The following SORCS3 variants were observed in gnomAD, a reference collection of about 807,000 sequenced individuals.
SORCS3 encodes sortilin related VPS10 domain containing receptor 3.
Under a neutral mutation model 146.3 loss-of-function variants are expected in SORCS3, and 57 were observed. The observed-to-expected ratio is 0.39, with a 90% CI of 0.31 to 0.49. SORCS3 has a LOEUF of 0.49. Ranked by LOEUF, SORCS3 falls within the 20% of genes least tolerant of loss-of-function variation. The pLI, the probability that SORCS3 is intolerant of heterozygous loss-of-function variation, is 0.92. For synonymous variants in SORCS3, 653 were observed against 618.5 expected (o/e 1.06, Z -0.83); for missense variants, 1,341 against 1,575.5 (o/e 0.85, Z 2.52).
chr10:104,671,449 C>G (rs570132281), intron 1 of SORCS3, among the ~76,000 whole-genome samples: 1 of 143,752 alleles, frequency 7.0e-6, no homozygotes, highest in Non-Finnish European at 1.5e-5. Context: ...ATCCTATTAC[C>G]TCAGTCTCCC....
intron 1 of SORCS3, among the ~76,000 whole-genome samples, chr10:104,832,673 G>C (rs1053265742): frequency 6.6e-6 from 1 of 152,156 alleles, no homozygotes; most frequent in Non-Finnish European, 1.5e-5. Context: ...AGCCAAGACA[G>C]GGCCATTGCC....
chr10:105,254,723 C>G (rs1318007793), intron 23 of SORCS3, among the ~76,000 whole-genome samples: 1 of 151,772 alleles, frequency 6.6e-6, no homozygotes, highest in Non-Finnish European at 1.5e-5. Context: ...CGCTTGAACC[C>G]AGGAGGGAGA....
chr10:104,865,982 C>T (rs977252772), intron 2 of SORCS3, among the ~76,000 whole-genome samples: 2 of 152,092 alleles, frequency 1.3e-5, no homozygotes, highest in Non-Finnish European at 1.5e-5. Flanking sequence ...TCCCCATATT[C>T]GTCAGCTGTG....
intron 1 of SORCS3, among the ~76,000 whole-genome samples, chr10:104,690,377 T>G (rs2016097691): frequency 6.6e-6 from 1 of 152,112 alleles, no homozygotes; most frequent in South Asian, 2.1e-4. Flanking sequence ...CACTGAGCGG[T>G]GAAGAATGTC....
Position 105,129,344 on chromosome 10 carries a change from T to C in SORCS3, c.1213-10053T>C, listed in dbSNP as rs1329947188. ...TTCTTTCTTTCTCTTTTTTTTTTTT[T>C]TTTTTTTTTTTTTACAAAACCCTAC... On this transcript the variant is annotated intron_variant, in intron 7 of 26. Transcript: ENST00000369701. Among the ~76,000 whole-genome samples the C allele has an allele frequency of 1.3e-3, 197 of 147,482 alleles. 2 individuals are homozygous for C. Among genetic ancestry groups the C allele is most frequent in the Non-Finnish European group, 2.5e-3 (164 of 66,860 alleles).
At chr10:105,005,273 C>G (rs2055087600) in intron 4 of SORCS3, among the ~76,000 whole-genome samples, 2 of 152,166 alleles carry the variant, frequency 1.3e-5, no homozygotes, top group South Asian at 4.2e-4. Flanking sequence ...AGGTAGCCAA[C>G]AGGTTGGTTA....
chr10:104,722,021 A>C (rs1383229379), intron 1 of SORCS3, among the ~76,000 whole-genome samples: 1 of 152,152 alleles, frequency 6.6e-6, no homozygotes, highest in Non-Finnish European at 1.5e-5. Flanking sequence ...TATGTTGAAT[A>C]GGAGTGATGA....
chr10:105,139,586 G>A, intron 8 of SORCS3, 100 bp downstream of exon 8: 1 of 890,498 alleles, frequency 1.1e-6, no homozygotes, highest in Admixed American at 1.9e-5. Context: ...CTGTTTGGAA[G>A]GACTGCTGGC....
chr10:104,732,591 A>T (rs1014961991), intron 1 of SORCS3, among the ~76,000 whole-genome samples: 4 of 152,138 alleles, frequency 2.6e-5, no homozygotes, highest in African/African-American at 9.7e-5. Flanking sequence ...ATGAACTCCC[A>T]TGTCAGTCTC....
chr10:105,239,565 G>A (rs576223552), intron 20 of SORCS3, among the ~76,000 whole-genome samples: 7 of 152,276 alleles, frequency 4.6e-5, no homozygotes, highest in African/African-American at 7.2e-5. Flanking sequence ...TCGCACATGA[G>A]GGATTCTCTG....
At chr10:105,103,737 A>G (rs1589634298) in intron 6 of SORCS3, among the ~76,000 whole-genome samples, 1 of 152,364 alleles carries the variant, frequency 6.6e-6, no homozygotes, top group African/African-American at 2.4e-5. Flanking sequence ...TAGTCAGATT[A>G]TAGTTACCAA....
intron 3 of SORCS3, among the ~76,000 whole-genome samples, chr10:104,966,881 A>G (rs1475491101): frequency 6.6e-6 from 1 of 152,010 alleles, no homozygotes; most frequent in Non-Finnish European, 1.5e-5. Context: ...GTCCTTTGCA[A>G]TTTGCAATAT....
chr10:104,706,459 G>A (rs534077007), intron 1 of SORCS3, among the ~76,000 whole-genome samples: 6 of 152,012 alleles, frequency 3.9e-5, no homozygotes, highest in African/African-American at 1.2e-4. Context: ...CGCCCACCTC[G>A]GCCTCCCAAA....
intron 1 of SORCS3, among the ~76,000 whole-genome samples, chr10:104,660,382 T>C (rs1233214867): frequency 6.6e-6 from 1 of 152,174 alleles, no homozygotes; most frequent in African/African-American, 2.4e-5. Flanking sequence ...TGACCACCTA[T>C]GGGTTAACAT....
At chr10:105,092,608 A>AACACACACACACACACACAC (rs61665816) in intron 6 of SORCS3, among the ~76,000 whole-genome samples, 29 of 147,268 alleles carry the variant, frequency 2.0e-4, no homozygotes, top group Middle Eastern at 3.2e-3. Flanking sequence ...TGCATTCACA[A>AACACACACACACACACACAC]ACACACACAC....
intron 2 of SORCS3, among the ~76,000 whole-genome samples, chr10:104,895,058 T>A (rs1215303656): frequency 6.6e-6 from 1 of 152,144 alleles, no homozygotes; most frequent in African/African-American, 2.4e-5. Context: ...CAGTGTGGTA[T>A]GAACAGGCCC....
At chr10:105,245,720 G>A (rs1043688604) in intron 21 of SORCS3, 55 bp downstream of exon 21, 24 of 1,585,214 alleles carry the variant, frequency 1.5e-5, no homozygotes, top group Middle Eastern at 1.7e-4. Flanking sequence ...AATCTCCTGT[G>A]TCCACTCTCC....
At chr10:105,215,686 A>G (rs942807715) in intron 18 of SORCS3, among the ~76,000 whole-genome samples, 17 of 152,088 alleles carry the variant, frequency 1.1e-4, no homozygotes, top group African/African-American at 4.1e-4. Context: ...TTCCACTTTA[A>G]TTTATATTCA....
chr10:105,214,491 T>C lies in SORCS3; in HGVS notation c.2425T>C (p.Tyr809His), dbSNP rs1193280759. 6.2e-7 allele frequency: 1 copy of C among 1,614,120 alleles called. No individual in the cohort carries two copies. The highest frequency in any genetic ancestry group is 8.5e-7 in the Non-Finnish European group (1 of 1,180,002). The change falls in exon 18 of 27, where the codon TAC (tyrosine) becomes CAC (histidine). Residue 809 changes from tyrosine (Y) to histidine (H), a missense_variant. By Grantham distance (83) the Tyr-to-His change is moderately conservative (BLOSUM62 2). Coordinates refer to ENST00000369701, the MANE Select transcript of SORCS3 (RefSeq NM_014978.3). ...NNCTDGLREK[Y>H]TAKAQMCPGK... The stretch of plus-strand genomic sequence containing the variant: ...CTGCACAGATGGGCTAAGGGAGAAG[T>C]ACACCGCCAAGGCCCAGATGTGCCC...
Sources: gnomAD v4.1 joint callset for allele counts (sites outside exome capture counted in the v4.1 genomes callset) on GRCh38, gnomAD v4.1.1 for gene constraint, MANE v1.5 for transcripts, NCBI Gene and HGNC (gene_info 2026-07-23, HGNC 2026-07-21) for gene names.